Variants in GNAZ observed in about 807,000 individuals in gnomAD.
The protein encoded by GNAZ is guanine nucleotide-binding protein G(z) subunit alpha.
In GNAZ, 3 loss-of-function variants were observed where a neutral mutation model predicts 25.4. The observed-to-expected ratio is 0.12, with a 90% CI of 0.05 to 0.30. GNAZ has a LOEUF of 0.30. Ranked by LOEUF, GNAZ falls within the 10% of genes least tolerant of loss-of-function variation. The pLI is 1.00. For synonymous variants in GNAZ, 211 were observed against 205.7 expected, an observed-to-expected ratio of 1.03 and a Z score of -0.22; for missense variants, 241 against 501.8, an observed-to-expected ratio of 0.48 and a Z score of 4.97.
At chr22:23,079,106 C>G (rs1476753583) in intron 1 of GNAZ, among the ~76,000 whole-genome samples, 2 of 152,202 alleles carry the variant, frequency 1.3e-5, no homozygotes, top group East Asian at 1.9e-4. Flanking sequence ...CATCAATGAA[C>G]AAACAGACCA....
chr22:23,089,408 G>T (rs1482968777), intron 1 of GNAZ, among the ~76,000 whole-genome samples: 1 of 152,174 alleles, frequency 6.6e-6, no homozygotes, highest in Non-Finnish European at 1.5e-5. Context: ...GCGAGCTCAG[G>T]CTATGGTGGG....
At chr22:23,092,903 G>GT (rs2069024859) in intron 1 of GNAZ, among the ~76,000 whole-genome samples, 1 of 152,244 alleles carries the variant, frequency 6.6e-6, no homozygotes, top group South Asian at 2.1e-4. Flanking sequence ...CTCCCACTGG[G>GT]TTGGACACTG....
In GNAZ at chr22:23,124,362, G is replaced by A. The variant is rs891783552; in HGVS notation, c.*931G>A. 6.5e-6 allele frequency: 3 copies of A among 459,604 alleles called. No homozygotes were observed. Among genetic ancestry groups the A allele is most frequent in the South Asian group, 3.2e-5 (2 of 62,762 alleles). The allele number at this position is 459,604 out of a possible 1,614,324, so 28.5% of individuals were successfully genotyped here. On this transcript the variant is annotated 3_prime_UTR_variant, in exon 3 of 3. Transcript: ENST00000615612. Reference sequence around the variant, plus strand: ...CTTTTTTGTGTCTGGCTTGCTGAGTGTAAAAGTTGTTATCTGGACGATCTG... The same window carrying A: ...CTTTTTTGTGTCTGGCTTGCTGAGTATAAAAGTTGTTATCTGGACGATCTG...
intron 2 of GNAZ, among the ~76,000 whole-genome samples, chr22:23,119,117 C>T (rs578127103): frequency 6.6e-6 from 1 of 152,350 alleles, no homozygotes; most frequent in Admixed American, 6.5e-5. Flanking sequence ...ATAGACGGCT[C>T]TGTTTTCAGT....
chr22:23,081,415 TC>T (rs2068674099), intron 1 of GNAZ, among the ~76,000 whole-genome samples: 1 of 152,204 alleles, frequency 6.6e-6, no homozygotes, highest in Non-Finnish European at 1.5e-5. Flanking sequence ...TCTTAGGTCT[TC>T]CTGCTTTAAT....
At chr22:23,076,525 C>A (rs1323756472) in intron 1 of GNAZ, among the ~76,000 whole-genome samples, 1 of 152,170 alleles carries the variant, frequency 6.6e-6, no homozygotes, top group African/African-American at 2.4e-5. Context: ...GGTTTGGCCA[C>A]CAAACACAAA....
chr22:23,123,741 A>C lies in GNAZ; in HGVS notation c.*310A>C, dbSNP rs944186685. On this transcript the variant is annotated 3_prime_UTR_variant, in exon 3 of 3. Transcript: ENST00000615612. ...CACTACAAGCCCAACCTGCCCCTTC[A>C]CTTTGCCTTCCTGAGTTGGCCCCAC... 14 of 356,228 alleles carry C rather than the reference A, an allele frequency of 3.9e-5. No individual in the cohort carries two copies. Among genetic ancestry groups the C allele is most frequent in the African/African-American group, 2.7e-4 (13 of 48,766 alleles). The allele number at this position is 356,228 out of a possible 1,614,324, so 22.1% of individuals were successfully genotyped here.
intron 2 of GNAZ, among the ~76,000 whole-genome samples, chr22:23,110,289 C>A (rs927905393): frequency 1.3e-5 from 2 of 152,122 alleles, no homozygotes; most frequent in Non-Finnish European, 2.9e-5. Flanking sequence ...GAGCCTCTCA[C>A]AGTCACTTCT....
intron 2 of GNAZ, among the ~76,000 whole-genome samples, chr22:23,100,427 T>C (rs892588589): frequency 6.6e-6 from 1 of 152,188 alleles, no homozygotes; most frequent in African/African-American, 2.4e-5. Flanking sequence ...AGACAGCTGG[T>C]CAACATGTTA....
chr22:23,123,567 C>T lies in GNAZ; in HGVS notation c.*136C>T. 2 of 613,654 alleles carry T rather than the reference C, an allele frequency of 3.3e-6. No homozygotes were observed. The highest frequency in any genetic ancestry group is 4.3e-4 in the Middle Eastern group (1 of 2,314). The allele number at this position is 613,654 out of a possible 1,614,324, so 38.0% of individuals were successfully genotyped here. The stretch of plus-strand genomic sequence containing the variant: ...GTCCCCCACCCCTTGGCCTCTGCCT[C>T]CTTGGCCCCACATTTCTGCAAACAT... On this transcript the variant is annotated 3_prime_UTR_variant, in exon 3 of 3. Transcript: ENST00000615612.
Position 23,123,773 on chromosome 22 carries a change from T to TG in GNAZ, c.*347dup. 3.3e-6 allele frequency: 1 copy of TG among 303,030 alleles called. No individual in the cohort carries two copies. The highest frequency in any genetic ancestry group is 6.2e-6 in the Non-Finnish European group (1 of 160,092). 18.8% of individuals were successfully genotyped at this position (303,030 alleles called of 1,614,324 possible). ...CTTCCTGAGTTGGCCCCACTCCACT[T>TG]GGGGGTCTGCATTGGATTGTTAGGG... On this transcript the variant is annotated 3_prime_UTR_variant, in exon 3 of 3. Coordinates refer to ENST00000615612, the MANE Select transcript of GNAZ (RefSeq NM_002073.4).
At chr22:23,107,396 G>A (rs979524243) in intron 2 of GNAZ, among the ~76,000 whole-genome samples, 4 of 152,192 alleles carry the variant, frequency 2.6e-5, no homozygotes, top group African/African-American at 7.2e-5. Context: ...AGCCCTGTGC[G>A]GGTGGGCAGG....
chr22:23,077,563 C>G (rs1452555982), intron 1 of GNAZ, among the ~76,000 whole-genome samples: 1 of 152,112 alleles, frequency 6.6e-6, no homozygotes, highest in Admixed American at 6.5e-5. Flanking sequence ...AGGTGCTAAA[C>G]CGTGTGGTTT....
chr22:23,119,304 A>C (rs1601836261), intron 2 of GNAZ, among the ~76,000 whole-genome samples: 1 of 152,108 alleles, frequency 6.6e-6, no homozygotes, highest in East Asian at 1.9e-4. Context: ...ACCTTTCCCC[A>C]CTGCCTCCTC....
At chr22:23,075,721 C>T (rs747649245) in intron 1 of GNAZ, among the ~76,000 whole-genome samples, 19 of 152,160 alleles carry the variant, frequency 1.2e-4, no homozygotes, top group Non-Finnish European at 1.9e-4. Flanking sequence ...AAACACACCC[C>T]GTCCCCGAGG....
In GNAZ at chr22:23,071,392, C is replaced by T. The variant is rs1038034928; in HGVS notation, c.-450+822C>T. On this transcript the variant is annotated intron_variant, in intron 1 of 2. Coordinates refer to ENST00000615612, the MANE Select transcript of GNAZ (RefSeq NM_002073.4). The surrounding 1 kb of genome is among the most constrained non-coding windows in gnomAD (Gnocchi z 4.1). ...GACAAGAGGATGATGCCAAGCGAGA[C>T]CAGCGTTCCGCGTAGTCCGTGTTGG... Among the ~76,000 whole-genome samples the T allele has an allele frequency of 2.6e-5, 4 of 152,184 alleles. No individual in the cohort carries two copies. Among genetic ancestry groups the T allele is most frequent in the Non-Finnish European group, 1.5e-5 (1 of 68,036 alleles).
chr22:23,079,329 G>A (rs542485100), intron 1 of GNAZ, among the ~76,000 whole-genome samples: 52 of 152,350 alleles, frequency 3.4e-4, no homozygotes, highest in South Asian at 6.2e-4. Context: ...GGGAGAGGGC[G>A]CGGAAGCGAA....
intron 1 of GNAZ, among the ~76,000 whole-genome samples, chr22:23,087,002 G>A (rs1297132933): frequency 1.3e-5 from 2 of 152,220 alleles, no homozygotes; most frequent in Non-Finnish European, 2.9e-5. Flanking sequence ...CCGATAAGTC[G>A]GGCGTAAAAG....
At chr22:23,098,423 C>T (rs2069188994) in intron 2 of GNAZ, among the ~76,000 whole-genome samples, 1 of 152,224 alleles carries the variant, frequency 6.6e-6, no homozygotes, top group African/African-American at 2.4e-5. Context: ...TGGGGCCTCA[C>T]ATCTCTAGCT....
Sources: gnomAD v4.1 joint callset for allele counts (sites outside exome capture counted in the v4.1 genomes callset) on GRCh38, gnomAD v4.1.1 for gene constraint, Gnocchi (gnomAD v3.1) non-coding constraint, MANE v1.5 for transcripts, NCBI Gene and HGNC (gene_info 2026-07-23, HGNC 2026-07-21) for gene names.